CFAP47: variants seen among roughly 807,000 people sequenced by gnomAD.
CFAP47 encodes the protein cilia- and flagella-associated protein 47.
CFAP47 carries 29 observed loss-of-function variants against 148.1 expected under a neutral mutation model. The observed-to-expected ratio is 0.20, with a 90% CI of 0.15 to 0.27. CFAP47 has a LOEUF of 0.27. Among genes scored for constraint, CFAP47 ranks in the 10% least tolerant of loss-of-function variants. The pLI is 1.00. For missense variants in CFAP47, 1,872 were observed against 1,697.5 expected (o/e 1.10, Z -1.81); for synonymous variants, 664 against 577.3 (o/e 1.15, Z -2.15).
At chrX:35,960,837 G>A (rs1274060164) in intron 8 of CFAP47, among the ~76,000 whole-genome samples, 1 of 111,030 alleles carries the variant, frequency 9.0e-6, no homozygotes, top group Non-Finnish European at 1.9e-5. Flanking sequence ...TTTCTAATCT[G>A]GATTCATTTT....
chrX:36,322,624 G>T (rs1569317430), intron 57 of CFAP47, among the ~76,000 whole-genome samples: 1 of 110,903 alleles, frequency 9.0e-6, no homozygotes, highest in East Asian at 2.8e-4. Context: ...TTGAAAAATA[G>T]AAATTAAATG....
At chrX:35,975,388 C>T (rs1936554421) in intron 14 of CFAP47, 25 bp downstream of exon 14, 1 of 964,227 alleles carries the variant, frequency 1.0e-6, no homozygotes, top group African/African-American at 1.9e-5. Context: ...TGAATTTCTG[C>T]TTGTTAGAAT....
intron 15 of CFAP47, 152 bp from the exon 16 acceptor site, chrX:35,989,167 C>A (rs1446847535): frequency 2.2e-6 from 1 of 458,436 alleles, no homozygotes; most frequent in East Asian, 3.7e-5. Context: ...TTGATAATAT[C>A]TCACTTAGCA....
At chrX:36,294,496 G>A (rs1345936044) in intron 51 of CFAP47, among the ~76,000 whole-genome samples, 2 of 111,226 alleles carry the variant, frequency 1.8e-5, no homozygotes, top group Non-Finnish European at 3.8e-5. Context: ...CGATCAGGAG[G>A]TCAGGAGGTC....
At chrX:36,033,047 A>G (rs1443163024) in intron 23 of CFAP47, among the ~76,000 whole-genome samples, 3 of 111,853 alleles carry the variant, frequency 2.7e-5, no homozygotes, top group African/African-American at 9.7e-5. Context: ...TCAGAAAGGA[A>G]CACAGTTCCT....
chrX:36,262,996 T>C (rs1037879967), intron 49 of CFAP47, among the ~76,000 whole-genome samples: 2 of 112,221 alleles, frequency 1.8e-5, no homozygotes, highest in East Asian at 5.6e-4. Flanking sequence ...TACATGCCTG[T>C]TTGCCATTTG....
intron 29 of CFAP47, among the ~76,000 whole-genome samples, chrX:36,083,880 TTTAA>T (rs1338016648): frequency 3.6e-5 from 4 of 111,499 alleles, no homozygotes; most frequent in Non-Finnish European, 5.7e-5. Flanking sequence ...ATTATTTTTG[TTTAA>T]TTATGGTTTT....
rs962271165 is a variant in CFAP47 at position 36,329,316 on chromosome X, T to G, written c.8443+10009T>G. 6.3e-5 allele frequency among the ~76,000 whole-genome samples: 7 copies of G among 111,714 alleles called. No individual in the cohort carries two copies. In the South Asian group the frequency reaches 2.3e-3, roughly 36 times the overall value. ...ATATATTCTCAATCTTATCATAAAA[T>G]AATCAGGCAAACTCAAATTGAGGGA... On this transcript the variant is annotated intron_variant, in intron 57 of 63. Transcript: ENST00000378653.
intron 33 of CFAP47, among the ~76,000 whole-genome samples, chrX:36,113,264 G>A (rs1276095224): frequency 1.8e-5 from 2 of 111,892 alleles, no homozygotes; most frequent in Non-Finnish European, 3.8e-5. Context: ...CTTCTTTCAG[G>A]AGCTCTTGTA....
chrX:36,257,676 G>T (rs1412227467), intron 49 of CFAP47, among the ~76,000 whole-genome samples: 1 of 110,946 alleles, frequency 9.0e-6, no homozygotes, highest in African/African-American at 3.3e-5. Context: ...ACCTGCCTTG[G>T]GTTCCCAAAG....
At chrX:35,971,162 A>T (rs956209619) in intron 11 of CFAP47, among the ~76,000 whole-genome samples, 1 of 112,188 alleles carries the variant, frequency 8.9e-6, no homozygotes, top group African/African-American at 3.2e-5. Flanking sequence ...TCCAGTGCCT[A>T]TGATTTATGG....
At chrX:36,027,190 A>G (rs1353209626) in intron 22 of CFAP47, among the ~76,000 whole-genome samples, 1 of 106,062 alleles carries the variant, frequency 9.4e-6, no homozygotes, top group Non-Finnish European at 1.9e-5. Flanking sequence ...GATTATATAT[A>G]TACACATAAA....
intron 45 of CFAP47, among the ~76,000 whole-genome samples, chrX:36,210,910 A>C (rs1940092707): frequency 1.8e-5 from 2 of 112,390 alleles, no homozygotes; most frequent in African/African-American, 6.5e-5. Flanking sequence ...ATTCCTTTGC[A>C]TGTGGCTACC....
intron 51 of CFAP47, among the ~76,000 whole-genome samples, chrX:36,292,077 C>A (rs1195151899): frequency 9.0e-6 from 1 of 111,248 alleles, no homozygotes; most frequent in African/African-American, 3.3e-5. Flanking sequence ...GGCTTTTTCA[C>A]AACTCCCAGG....
chrX:36,229,461 A>G (rs1227137226), intron 46 of CFAP47, among the ~76,000 whole-genome samples: 3 of 111,197 alleles, frequency 2.7e-5, no homozygotes, highest in Non-Finnish European at 5.7e-5. Flanking sequence ...TATCATCTTA[A>G]TGGTAATTAG....
At chrX:36,134,222 T>G (rs1000531776) in intron 33 of CFAP47, among the ~76,000 whole-genome samples, 1 of 111,199 alleles carries the variant, frequency 9.0e-6, no homozygotes, top group Admixed American at 9.6e-5. Context: ...AAACTAAATG[T>G]TGTTAGGCTA....
At chrX:36,086,714 G>A (rs890981993) in intron 30 of CFAP47, among the ~76,000 whole-genome samples, 6 of 111,418 alleles carry the variant, frequency 5.4e-5, no homozygotes, top group African/African-American at 2.0e-4. Context: ...AGGCAAGACT[G>A]GCTTGGTTCC....
intron 35 of CFAP47, chrX:36,144,851 C>T (rs1044349141): frequency 2.0e-6 from 2 of 1,005,050 alleles, no homozygotes; most frequent in African/African-American, 3.9e-5. Flanking sequence ...CTTGCACCAG[C>T]AGCCTCCTTT....
chrX:36,035,790 C>A lies in CFAP47; in HGVS notation c.3747C>A (p.Phe1249Leu), dbSNP rs1451416063. The change falls in exon 24 of 64, where the codon TTC becomes TTA. Residue 1249 changes from phenylalanine (F) to leucine (L), a missense_variant. Physicochemically the swap from Phe to Leu is conservative, Grantham distance 22. Coordinates refer to ENST00000378653, the MANE Select transcript of CFAP47 (RefSeq NM_001304548.2). ...TTTTCAAAGACGGCACATTCAAGTT[C>A]AGTGTACTGAATGGGATTCTACGAC... is the stretch of plus-strand genomic sequence containing the variant. ...GKLFKDGTFK[F>L]SVLNGILRPN... is the part of the protein sequence containing the mutation. 3.4e-6 allele frequency: 1 copy of A among 294,349 alleles called. No individual in the cohort carries two copies. The highest frequency in any genetic ancestry group is 2.8e-5 in the African/African-American group (1 of 36,157). 24.3% of individuals were successfully genotyped at this position (294,349 alleles called of 1,213,427 possible).
Sources: allele counts gnomAD v4.1 joint callset (sites outside exome capture counted in the v4.1 genomes callset), GRCh38; gene constraint gnomAD v4.1.1; transcripts MANE v1.5; gene names NCBI Gene and HGNC (gene_info 2026-07-23, HGNC 2026-07-21).